CTNNA2: variants seen among roughly 807,000 people sequenced by gnomAD.
CTNNA2 encodes the protein catenin alpha-2.
A neutral mutation model predicts 101.0 loss-of-function variants in CTNNA2; 42 were observed. The ratio of observed to expected loss-of-function variants is 0.42; its 90% CI spans 0.32 to 0.54. The LOEUF (loss-of-function observed/expected upper bound fraction) is 0.54. Ranked by LOEUF, CTNNA2 falls within the 20% of genes least tolerant of loss-of-function variation. The probability of loss-of-function intolerance (pLI) is 0.14; values close to 1 mark genes in which losing one functional copy is unlikely to be tolerated. For missense variants in CTNNA2, 871 were observed against 1,223.1 expected (o/e 0.71, Z 4.29); for synonymous variants, 450 against 456.4 (o/e 0.99, Z 0.18).
intron 3 of CTNNA2, among the ~76,000 whole-genome samples, chr2:79,793,701 G>A (rs1017080138): frequency 2.6e-5 from 4 of 152,070 alleles, no homozygotes; most frequent in African/African-American, 9.7e-5. Flanking sequence ...CAATATCCAG[G>A]TGAAGGGGAG....
chr2:80,142,551 G>C (rs1426444603), intron 7 of CTNNA2, among the ~76,000 whole-genome samples: 1 of 152,178 alleles, frequency 6.6e-6, no homozygotes, highest in Non-Finnish European at 1.5e-5. Flanking sequence ...TCTGGAGATG[G>C]AACATTCAGT....
intron 7 of CTNNA2, among the ~76,000 whole-genome samples, chr2:80,337,122 G>A (rs868850016): frequency 6.6e-6 from 1 of 152,120 alleles, no homozygotes; most frequent in Non-Finnish European, 1.5e-5. Flanking sequence ...TTGGGAGGCC[G>A]AGGTGGGCAG....
At chr2:79,451,771 A>T (rs913688463) in intron 4 of CTNNA2, among the ~76,000 whole-genome samples, 19 of 150,860 alleles carry the variant, frequency 1.3e-4, no homozygotes, top group Admixed American at 4.7e-4. Flanking sequence ...TATATATATA[A>T]AATATTTTTC....
intron 6 of CTNNA2, among the ~76,000 whole-genome samples, chr2:79,888,970 T>C (rs2104190911): frequency 6.6e-6 from 1 of 152,320 alleles, no homozygotes; most frequent in African/African-American, 2.4e-5. Context: ...CAACATGTGG[T>C]TTATTTAAAA....
At chr2:80,038,308 A>G (rs1186726031) in intron 7 of CTNNA2, among the ~76,000 whole-genome samples, 1 of 151,586 alleles carries the variant, frequency 6.6e-6, no homozygotes, top group African/African-American at 2.4e-5. Context: ...AGAAGTTTTT[A>G]TAATTAAAGA....
chr2:79,258,237 T>G lies in CTNNA2; in HGVS notation c.-405-54472T>G, dbSNP rs112883708. 6.6e-3 allele frequency among the ~76,000 whole-genome samples: 1,000 copies of G among 151,678 alleles called. 7 individuals carry two copies. The highest frequency in any genetic ancestry group is 0.023 in the African/African-American group (952 of 41,328). On this transcript the variant is annotated intron_variant, in intron 2 of 21. Coordinates refer to the CTNNA2 transcript ENST00000466387. ...AAGCAGAATTTTTTTTCATGGGGAG[T>G]AGAGTGAAGCATGAAGCAATTTATA...
At chr2:79,593,829 C>A (rs933699134) in intron 1 of CTNNA2, among the ~76,000 whole-genome samples, 2 of 151,168 alleles carry the variant, frequency 1.3e-5, no homozygotes, top group Admixed American at 1.3e-4. Flanking sequence ...GGTATCATTG[C>A]TAACACATGG....
chr2:79,666,325 T>C (rs1682416243), intron 2 of CTNNA2, among the ~76,000 whole-genome samples: 1 of 152,196 alleles, frequency 6.6e-6, no homozygotes, highest in African/African-American at 2.4e-5. Flanking sequence ...CAGACCACTT[T>C]GGTAGATTAA....
chr2:79,498,167 A>T (rs1206151523), intron 4 of CTNNA2: 2 of 152,230 alleles, frequency 1.3e-5, no homozygotes, highest in Admixed American at 6.5e-5. Context: ...TGAAAGAGAA[A>T]TGAGATCCTT....
chr2:80,245,822 T>G lies in CTNNA2; in HGVS notation c.1057-147389T>G, dbSNP rs1403487534. 2.5e-3 allele frequency among the ~76,000 whole-genome samples: 342 copies of G among 135,540 alleles called. 3 individuals are homozygous for G. Among genetic ancestry groups the G allele is most frequent in the African/African-American group, 9.5e-3 (331 of 34,718 alleles). The allele number at this position is 135,540 out of a possible 152,430, so 88.9% of individuals were successfully genotyped here. A position where few individuals can be genotyped will look rare whatever the true frequency, so the allele number is the denominator to read the frequency against. On this transcript the variant is annotated intron_variant, in intron 7 of 18. Transcript: ENST00000402739. ...TTTTTTTTTTTTTTTTTTTTTTTTT[T>G]TGCACTCTGTAGCCCAGGCTGGAGT...
In CTNNA2 at chr2:79,333,231, G is replaced by A. The variant is rs527485762; in HGVS notation, c.-318+20435G>A. ...ACACATAATAGCTTTTTCTGTAACA[G>A]TGAGGAGAACTGAAGGAGCAGGAGC... On this transcript the variant is annotated intron_variant, in intron 3 of 21. Coordinates refer to the CTNNA2 transcript ENST00000466387. Among the ~76,000 whole-genome samples the A allele has an allele frequency of 1.1e-4, 17 of 152,258 alleles. 1 individual carries two copies. In the South Asian group the frequency reaches 3.5e-3, roughly 32 times the overall value.
chr2:79,370,361 G>T (rs1160672421), intron 3 of CTNNA2, among the ~76,000 whole-genome samples: 1 of 152,170 alleles, frequency 6.6e-6, no homozygotes, highest in Non-Finnish European at 1.5e-5. Flanking sequence ...ATGAATGATA[G>T]AACTAGGAAC....
intron 1 of CTNNA2, among the ~76,000 whole-genome samples, chr2:79,648,924 C>T (rs529091633): frequency 6.6e-6 from 1 of 152,208 alleles, no homozygotes; most frequent in African/African-American, 2.4e-5. Context: ...CTTTTCTTTG[C>T]TACTGAATTT....
At chr2:79,900,277 C>A in intron 6 of CTNNA2, among the ~76,000 whole-genome samples, 1 of 152,034 alleles carries the variant, frequency 6.6e-6, no homozygotes, top group East Asian at 1.9e-4. Context: ...GTATTTTAAG[C>A]TGGATAGCAA....
intron 4 of CTNNA2, among the ~76,000 whole-genome samples, chr2:79,487,384 C>A (rs1394240186): frequency 6.6e-6 from 1 of 152,148 alleles, no homozygotes; most frequent in Non-Finnish European, 1.5e-5. Flanking sequence ...AACTAATTTC[C>A]CTAGCCTTGA....
At chr2:79,226,547 G>A (rs1328130910) in intron 2 of CTNNA2, among the ~76,000 whole-genome samples, 1 of 152,102 alleles carries the variant, frequency 6.6e-6, no homozygotes, top group Non-Finnish European at 1.5e-5. Context: ...GCAGATATAG[G>A]GAGCATAGCG....
At chr2:79,666,307 G>A (rs928857352) in intron 2 of CTNNA2, among the ~76,000 whole-genome samples, 1 of 152,036 alleles carries the variant, frequency 6.6e-6, no homozygotes, top group Non-Finnish European at 1.5e-5. Context: ...TCTTAGTGTG[G>A]CTCCTATCAG....
intron 3 of CTNNA2, among the ~76,000 whole-genome samples, chr2:79,332,837 C>T (rs1348393876): frequency 6.6e-6 from 1 of 152,118 alleles, no homozygotes; most frequent in African/African-American, 2.4e-5. Flanking sequence ...CAGAGCCAAA[C>T]TGATGTGTAG....
At chr2:79,335,986 G>A (rs1237857854) in intron 3 of CTNNA2, among the ~76,000 whole-genome samples, 2 of 152,190 alleles carry the variant, frequency 1.3e-5, no homozygotes, top group African/African-American at 2.4e-5. Context: ...ACGTTAGGGA[G>A]AGATCAAGTA....
Sources: allele counts gnomAD v4.1 joint callset (sites outside exome capture counted in the v4.1 genomes callset), GRCh38; gene constraint gnomAD v4.1.1; transcripts MANE v1.5; gene names NCBI Gene and HGNC (gene_info 2026-07-23, HGNC 2026-07-21).